CBLN4: variants seen among roughly 807,000 people sequenced by gnomAD.
The protein encoded by CBLN4 is cerebellin-4.
CBLN4 carries 7 observed loss-of-function variants against 14.9 expected under a neutral mutation model. The ratio of observed to expected loss-of-function variants is 0.47; its 90% CI spans 0.27 to 0.88. The LOEUF is 0.88. Ranked by LOEUF, CBLN4 falls within the 40% of genes least tolerant of loss-of-function variation. The probability of loss-of-function intolerance (pLI) is 0.14; values close to 1 mark genes in which losing one functional copy is unlikely to be tolerated. For missense variants in CBLN4, 188 were observed against 256.8 expected, an observed-to-expected ratio of 0.73 and a Z score of 1.83; for synonymous variants, 131 against 116.5, an observed-to-expected ratio of 1.12 and a Z score of -0.80.
chr20:56,002,940 G>T (rs1025547092), intron 1 of CBLN4, among the ~76,000 whole-genome samples: 1 of 152,190 alleles, frequency 6.6e-6, no homozygotes, highest in East Asian at 1.9e-4. Flanking sequence ...TCTGGATACT[G>T]TTGGGGCTGA....
intron 1 of CBLN4, 136 bp downstream of exon 1, chr20:56,003,745 G>T (rs987043239): frequency 1.3e-5 from 11 of 877,788 alleles, no homozygotes; most frequent in Admixed American, 9.8e-5. Context: ...TCAGACCCAG[G>T]CATATTTGGG....
Position 55,998,531 on chromosome 20 carries a change from G to C in CBLN4, c.*26C>G, listed in dbSNP as rs1277504148. 2 of 1,613,542 alleles carry C rather than the reference G, an allele frequency of 1.2e-6. No individual in the cohort carries two copies. Among genetic ancestry groups the C allele is most frequent in the African/African-American group, 1.3e-5 (1 of 74,904 alleles). On this transcript the variant is annotated 3_prime_UTR_variant, in exon 3 of 3. Transcript: ENST00000064571. ...TCAGGAGTGGGTCATCCCTCACCTG[G>C]ATGAACATCATGGAGAAATTGAATC... is the stretch of plus-strand genomic sequence containing the variant.
chr20:56,001,207 G>A lies in CBLN4; in HGVS notation c.292-360C>T, dbSNP rs538935775. ...AAGGCCCAATGGCTCTGGAAACATC[G>A]AGCTAACATTTGAGAACTTATAAAT... On this transcript the variant is annotated intron_variant, in intron 1 of 2. Transcript: ENST00000064571. Among the ~76,000 whole-genome samples the A allele has an allele frequency of 3.9e-5, 6 of 152,264 alleles. No individual in the cohort carries two copies. In the East Asian group the frequency reaches 7.7e-4, roughly 20 times the overall value.
At position 55,997,575 on chromosome 20, in the gene CBLN4, T is replaced by C. The variant is rs1986297867; in HGVS notation, c.*982A>G. ...TTAATATTAGCTAAACAGATAAATA[T>C]ATACAATTTAAAGAGTTAAGGCAAA... On this transcript the variant is annotated 3_prime_UTR_variant, in exon 3 of 3. Coordinates refer to ENST00000064571, the MANE Select transcript of CBLN4 (RefSeq NM_080617.6). 1 of 152,328 alleles carries C rather than the reference T, an allele frequency of 6.6e-6. No individual in the cohort carries two copies. The allele number at this position is 152,328 out of a possible 1,614,324, so 9.4% of individuals were successfully genotyped here.
In CBLN4 at chr20:56,004,253, G is replaced by A; in HGVS notation, c.-82C>T. On this transcript the variant is annotated 5_prime_UTR_variant, in exon 1 of 3. Transcript: ENST00000064571. The surrounding 1 kb of genome is among the most constrained non-coding windows in gnomAD (Gnocchi z 6.1). Reference sequence around the variant, plus strand: ...CCTACCCCGGGATCCCGGTGCTCGGGAAGATGCTAGCGGCTAGGTCGACAG... The same window carrying A: ...CCTACCCCGGGATCCCGGTGCTCGGAAAGATGCTAGCGGCTAGGTCGACAG... 5 of 1,325,234 alleles carry A rather than the reference G, an allele frequency of 3.8e-6. No individual in the cohort carries two copies. Among genetic ancestry groups the A allele is most frequent in the Non-Finnish European group, 4.9e-6 (5 of 1,028,732 alleles). 82.1% of individuals were successfully genotyped at this position (1,325,234 alleles called of 1,614,324 possible). A position where few individuals can be genotyped will look rare whatever the true frequency, so the allele number is the denominator to read the frequency against.
At chr20:56,002,743 C>A (rs918936608) in intron 1 of CBLN4, among the ~76,000 whole-genome samples, 8 of 152,184 alleles carry the variant, frequency 5.3e-5, no homozygotes, top group African/African-American at 1.9e-4. Context: ...AAATACTAAG[C>A]CCCTAGAGAG....
intron 2 of CBLN4, among the ~76,000 whole-genome samples, chr20:55,999,230 TGAAAATCAATTGAA>T (rs1268532905): frequency 6.6e-6 from 1 of 152,208 alleles, no homozygotes; most frequent in Non-Finnish European, 1.5e-5. Flanking sequence ...TGCATACTAC[TGAAAATCAATTGAA>T]ATAATGAAGT....
At position 55,998,564 on chromosome 20, in the gene CBLN4, G is replaced by C; in HGVS notation, c.599C>G (p.Pro200Arg). The C allele has an allele frequency of 1.2e-6, 2 of 1,613,958 alleles. No individual in the cohort carries two copies. Among genetic ancestry groups the C allele is most frequent in the Non-Finnish European group, 1.7e-6 (2 of 1,179,924 alleles). Residue 200 changes from proline (P) to arginine (R), a missense_variant, in exon 3 of 3, where the codon CCC becomes CGC. By Grantham distance (103) the Pro-to-Arg change is moderately radical. Around this residue, in one of 2 missense-constraint regions of CBLN4, gnomAD observed 93 missense variants for 157.7 expected, o/e 0.59. Transcript: ENST00000064571. ...YSTFSGFLVF[P>R]L ...TCATGGAGAAATTGAATCCTATAGG[G>C]GGAACACCAGAAAGCCAGAAAACGT...
intron 1 of CBLN4, among the ~76,000 whole-genome samples, chr20:56,001,802 A>G (rs1399275116): frequency 1.3e-5 from 2 of 152,216 alleles, no homozygotes; most frequent in Non-Finnish European, 2.9e-5. Context: ...CTAAATTTTA[A>G]TAAGTGACCT....
intron 1 of CBLN4, among the ~76,000 whole-genome samples, chr20:56,001,901 G>T (rs1326282535): frequency 6.6e-6 from 1 of 151,892 alleles, no homozygotes; most frequent in African/African-American, 2.4e-5. Flanking sequence ...AAATAACCAG[G>T]GTTTGTTCCA....
At chr20:56,000,225 C>T (rs1986345881) in intron 2 of CBLN4, among the ~76,000 whole-genome samples, 1 of 152,206 alleles carries the variant, frequency 6.6e-6, no homozygotes, top group African/African-American at 2.4e-5. Flanking sequence ...TAAACACAAG[C>T]ATACGCATAG....
chr20:56,004,427 C>A lies in CBLN4; in HGVS notation c.-256G>T. On this transcript the variant is annotated 5_prime_UTR_variant, in exon 1 of 3. Transcript: ENST00000064571. The surrounding 1 kb of genome is among the most constrained non-coding windows in gnomAD (Gnocchi z 6.1). ...GCACCCTTTACCCTACTCTCCTCCG[C>A]CCAAGAATCAGCCCTGCCTGGGGCC... 2 of 417,204 alleles carry A rather than the reference C, an allele frequency of 4.8e-6. No individual in the cohort carries two copies. Among genetic ancestry groups the A allele is most frequent in the South Asian group, 7.5e-5 (1 of 13,400 alleles). 25.8% of individuals were successfully genotyped at this position (417,204 alleles called of 1,614,324 possible).
intron 1 of CBLN4, among the ~76,000 whole-genome samples, chr20:56,001,841 G>A (rs1234303529): frequency 6.6e-6 from 1 of 152,104 alleles, no homozygotes; most frequent in Non-Finnish European, 1.5e-5. Flanking sequence ...TGTCACATGG[G>A]TAAGTCTCTT....
At chr20:56,003,806 C>A in intron 1 of CBLN4, 75 bp downstream of exon 1, 1 of 1,474,454 alleles carries the variant, frequency 6.8e-7, no homozygotes, top group Non-Finnish European at 9.2e-7. Context: ...CCAGCTTAGC[C>A]TGGGCAGGCA....
chr20:55,998,447 C>T lies in CBLN4; in HGVS notation c.*110G>A. On this transcript the variant is annotated 3_prime_UTR_variant, in exon 3 of 3. Transcript: ENST00000064571. ...CTAGAATCCTTAGAATCCATATCCA[C>T]CCATGAGAAACCAATAAAAGACATC... 1 of 1,212,592 alleles carries T rather than the reference C, an allele frequency of 8.2e-7. No individual in the cohort carries two copies. Among genetic ancestry groups the T allele is most frequent in the South Asian group, 1.4e-5 (1 of 69,806 alleles). The allele number at this position is 1,212,592 out of a possible 1,614,324, so 75.1% of individuals were successfully genotyped here.
intron 2 of CBLN4, 90 bp from the exon 3 acceptor site, chr20:55,998,844 C>T: frequency 1.0e-6 from 1 of 994,030 alleles, no homozygotes; most frequent in Non-Finnish European, 1.5e-6. Context: ...AGATGATAGA[C>T]CCAGTAAAAT....
At chr20:56,000,335 TTTTA>T (rs996563308) in intron 2 of CBLN4, among the ~76,000 whole-genome samples, 2 of 152,228 alleles carry the variant, frequency 1.3e-5, no homozygotes, top group Admixed American at 6.5e-5. Flanking sequence ...AGCAAATGTG[TTTTA>T]TTTATTTAGT....
intron 1 of CBLN4, among the ~76,000 whole-genome samples, chr20:56,002,963 T>G (rs1986399224): frequency 6.6e-6 from 1 of 152,224 alleles, no homozygotes; most frequent in African/African-American, 2.4e-5. Context: ...TTAAAAACTC[T>G]GAGGACAGTT....
At chr20:55,999,173 A>G (rs1392237592) in intron 2 of CBLN4, among the ~76,000 whole-genome samples, 1 of 152,234 alleles carries the variant, frequency 6.6e-6, no homozygotes, top group East Asian at 1.9e-4. Flanking sequence ...ACCCAGATAC[A>G]ACCCAATCCT....
Sources: gnomAD v4.1 joint callset for allele counts (sites outside exome capture counted in the v4.1 genomes callset) on GRCh38, gnomAD v4.1.1 for gene constraint, gnomAD v4.1.1 regional missense constraint, Gnocchi (gnomAD v3.1) non-coding constraint, MANE v1.5 for transcripts, NCBI Gene and HGNC (gene_info 2026-07-23, HGNC 2026-07-21) for gene names.